The following DNASE1 variants were observed in gnomAD, a reference collection of about 807,000 sequenced individuals.
DNASE1 encodes the protein deoxyribonuclease 1.
A neutral mutation model predicts 33.9 loss-of-function variants in DNASE1; 40 were observed. The observed-to-expected ratio is 1.18, with a 90% CI of 0.92 to 1.54. The LOEUF (loss-of-function observed/expected upper bound fraction) is 1.54, where lower values mean the gene tolerates loss of function less well. Ranked by LOEUF, DNASE1 falls within the 40% of genes most tolerant of loss-of-function variation. DNASE1 has a pLI of 0.00. For synonymous variants in DNASE1, 216 were observed against 160.0 expected (o/e 1.35, Z -2.64); for missense variants, 518 against 372.6 (o/e 1.39, Z -3.21).
At position 3,657,272 on chromosome 16, in the gene DNASE1, C is replaced by T. The variant is rs1455648762; in HGVS notation, c.635C>T (p.Pro212Leu). ...TCATCCATCCGCCTGTGGACAAGCCCCACCTTCCAGTGGCTGATCCCCGAC... is the reference window on the plus strand; with the variant it reads ...TCATCCATCCGCCTGTGGACAAGCCTCACCTTCCAGTGGCTGATCCCCGAC... Reference protein sequence around the residue: ...QWSSIRLWTSPTFQWLIPDSA... With the variant: ...QWSSIRLWTSLTFQWLIPDSA... Residue 212 changes from proline to leucine, a missense_variant, in exon 7 of 9, where the codon CCC becomes CTC. Pro to Leu is a moderately conservative substitution (Grantham distance 98, BLOSUM62 -3). Transcript: ENST00000246949. 1 of 1,613,912 alleles carries T rather than the reference C, an allele frequency of 6.2e-7. No homozygotes were observed. Among genetic ancestry groups the T allele is most frequent in the Non-Finnish European group, 8.5e-7 (1 of 1,180,032 alleles).
chr16:3,618,501 G>A (rs868802446), intron 1 of DNASE1, among the ~76,000 whole-genome samples: 2 of 152,192 alleles, frequency 1.3e-5, no homozygotes, highest in Admixed American at 6.5e-5. Context: ...AGGCCAAGGC[G>A]GGCGGATTAC....
Position 3,664,073 on chromosome 16 carries a change from A to C in DNASE1, c.*6120A>C, listed in dbSNP as rs529324643. 2.1e-3 allele frequency: 1,208 copies of C among 576,524 alleles called. 6 individuals carry two copies. The highest frequency in any genetic ancestry group is 3.1e-3 in the Non-Finnish European group (1,077 of 348,148). 35.7% of individuals were successfully genotyped at this position (576,524 alleles called of 1,614,324 possible). A position where few individuals can be genotyped will look rare whatever the true frequency, so the allele number is the denominator to read the frequency against. On this transcript the variant is annotated 3_prime_UTR_variant, in exon 10 of 10. Transcript: ENST00000407479. ...GCAAGACTCCATCTCAAAAAAACAA[A>C]AAACAAACAAAAAAAACCACATGTG...
chr16:3,663,867 T>C (rs947224345), exon 10 of DNASE1: 13 of 390,008 alleles, frequency 3.3e-5, no homozygotes, highest in Admixed American at 8.1e-5. Context: ...AGGTCAGGAG[T>C]TCGAGACCAA....
intron 1 of DNASE1, among the ~76,000 whole-genome samples, chr16:3,616,206 C>G (rs1374065184): frequency 2.6e-5 from 4 of 152,188 alleles, no homozygotes; most frequent in African/African-American, 4.8e-5. Flanking sequence ...TTCTGCTAGA[C>G]AAATTTAAGG....
chr16:3,647,907 C>T (rs1439265912), intron 1 of DNASE1, among the ~76,000 whole-genome samples: 2 of 152,162 alleles, frequency 1.3e-5, no homozygotes, highest in Non-Finnish European at 2.9e-5. Context: ...GTGGCTCACA[C>T]CTGTAATCCT....
At chr16:3,635,319 G>A (rs924159529) in intron 1 of DNASE1, among the ~76,000 whole-genome samples, 23 of 151,804 alleles carry the variant, frequency 1.5e-4, no homozygotes, top group Non-Finnish European at 2.9e-4. Flanking sequence ...TTAGCTGTGC[G>A]TGGTGGCGTG....
intron 1 of DNASE1, among the ~76,000 whole-genome samples, chr16:3,625,451 T>G (rs2151168300): frequency 6.6e-6 from 1 of 151,826 alleles, no homozygotes; most frequent in Non-Finnish European, 1.5e-5. Context: ...GACCCATCGC[T>G]GCAAAAAAAA....
chr16:3,639,292 C>G (rs1365848008), upstream of DNASE1, among the ~76,000 whole-genome samples: 1 of 152,212 alleles, frequency 6.6e-6, no homozygotes, highest in Non-Finnish European at 1.5e-5. Context: ...CTGTCTGTGA[C>G]ATGAGCTGGT....
At chr16:3,659,751 AG>A (rs2042956859), downstream of DNASE1, 2 of 52,776 alleles carry the variant, frequency 3.8e-5, no homozygotes, top group African/African-American at 5.0e-4. Context: ...TTTTTTTTTT[AG>A]ATAGATAGAT....
At chr16:3,653,841 A>AAAAAAAAAAAAAAAAAAAAAAAAAATG (rs781310896), upstream of DNASE1, 1 of 125,056 alleles carries the variant, frequency 8.0e-6, no homozygotes, top group Non-Finnish European at 1.7e-5. Flanking sequence ...AAAAAAAAAA[A>AAAAAAAAAAAAAAAAAAAAAAAAAATG]CTGAGCATGG....
intron 1 of DNASE1, among the ~76,000 whole-genome samples, chr16:3,637,409 G>C (rs1424100219): frequency 6.6e-6 from 1 of 152,172 alleles, no homozygotes; most frequent in South Asian, 2.1e-4. Flanking sequence ...CCTGTGACTA[G>C]GTCTCAGTCT....
At chr16:3,646,509 G>A (rs911844167) in intron 1 of DNASE1, among the ~76,000 whole-genome samples, 1 of 152,070 alleles carries the variant, frequency 6.6e-6, no homozygotes. Context: ...GGGGTTGGGT[G>A]GGGAGAGGAT....
intron 1 of DNASE1, among the ~76,000 whole-genome samples, chr16:3,624,241 C>G (rs985548067): frequency 6.6e-6 from 1 of 151,098 alleles, no homozygotes; most frequent in African/African-American, 2.4e-5. Context: ...TGCATTCCAG[C>G]CTGGGCGACA....
intron 1 of DNASE1, among the ~76,000 whole-genome samples, chr16:3,627,275 CTTTT>C (rs774487244): frequency 2.2e-5 from 3 of 133,866 alleles, no homozygotes; most frequent in Non-Finnish European, 4.9e-5. Context: ...ATGACATATC[CTTTT>C]TTTTTTTTTT....
At chr16:3,636,015 A>T (rs1252273467) in intron 1 of DNASE1, among the ~76,000 whole-genome samples, 1 of 152,124 alleles carries the variant, frequency 6.6e-6, no homozygotes, top group Non-Finnish European at 1.5e-5. Context: ...ATTGTTTCAG[A>T]TACTTTTTCT....
intron 1 of DNASE1, among the ~76,000 whole-genome samples, chr16:3,625,103 TCAA>T (rs2041464283): frequency 6.6e-6 from 1 of 152,040 alleles, no homozygotes; most frequent in South Asian, 2.1e-4. Flanking sequence ...GGTTGGGAGT[TCAA>T]GACCAGCCTG....
At chr16:3,662,357 C>T (rs749568057), downstream of DNASE1, 2 of 616,454 alleles carry the variant, frequency 3.2e-6, no homozygotes, top group Non-Finnish European at 5.6e-6. Flanking sequence ...CACCCTGGTG[C>T]CCCGCTGCTG....
downstream of DNASE1, chr16:3,662,179 A>T (rs753104740): frequency 1.3e-5 from 21 of 1,581,810 alleles, no homozygotes; most frequent in African/African-American, 2.7e-5. Context: ...TCCCAATGTG[A>T]GAGGGCTGGC....
At position 3,656,634 on chromosome 16, in the gene DNASE1, G is replaced by A. The variant is rs769199859; in HGVS notation, c.321-4G>A. 1.7e-5 allele frequency: 27 copies of A among 1,607,016 alleles called. No individual in the cohort carries two copies. Among genetic ancestry groups the A allele is most frequent in the African/African-American group, 1.1e-4 (8 of 74,698 alleles). On this transcript the variant is annotated splice_region_variant and splice_polypyrimidine_tract_variant and intron_variant, in intron 4 of 8. Transcript: ENST00000246949. ...TCACCTCCTCCTGCCCGGCCTTCCC[G>A]CAGGCCTGACCAGGTGTCTGCGGTG...
Sources: gnomAD v4.1 joint callset for allele counts (sites outside exome capture counted in the v4.1 genomes callset) on GRCh38, gnomAD v4.1.1 for gene constraint, MANE v1.5 for transcripts, NCBI Gene and HGNC (gene_info 2026-07-23, HGNC 2026-07-21) for gene names.